NECAB1: variants seen among roughly 807,000 people sequenced by gnomAD.
NECAB1 encodes N-terminal EF-hand calcium binding protein 1.
Under a neutral mutation model 57.5 loss-of-function variants are expected in NECAB1, and 29 were observed. That is an observed-to-expected ratio of 0.50 (90% CI 0.38 to 0.69). The LOEUF (loss-of-function observed/expected upper bound fraction) is 0.69, where lower values mean the gene tolerates loss of function less well. Ranked by LOEUF, NECAB1 falls within the 30% of genes least tolerant of loss-of-function variation. NECAB1 has a pLI of 0.00. For missense variants in NECAB1, 372 were observed against 413.8 expected (o/e 0.90, Z 0.88); for synonymous variants, 142 against 147.7 (o/e 0.96, Z 0.28).
chr8:90,911,373 G>A (rs1809825938), intron 5 of NECAB1, among the ~76,000 whole-genome samples: 1 of 151,998 alleles, frequency 6.6e-6, no homozygotes, highest in Non-Finnish European at 1.5e-5. Flanking sequence ...AGAGAGAGGG[G>A]AATGCAAGAA....
intron 2 of NECAB1, among the ~76,000 whole-genome samples, chr8:90,809,674 T>C (rs1015434200): frequency 6.6e-6 from 1 of 152,232 alleles, no homozygotes; most frequent in East Asian, 1.9e-4. Context: ...TTTATGGTTA[T>C]GAAAGTGCCT....
At chr8:90,860,927 C>T (rs1005171063) in intron 3 of NECAB1, among the ~76,000 whole-genome samples, 6 of 152,044 alleles carry the variant, frequency 3.9e-5, no homozygotes, top group African/African-American at 1.2e-4. Context: ...TTGGGAAATT[C>T]GTAAGTTAAA....
At chr8:90,954,212 T>A (rs1253846600) in intron 12 of NECAB1, among the ~76,000 whole-genome samples, 1 of 152,104 alleles carries the variant, frequency 6.6e-6, no homozygotes, top group Admixed American at 6.6e-5. Flanking sequence ...TTTCTAATTT[T>A]ACTCACAAAT....
intron 6 of NECAB1, among the ~76,000 whole-genome samples, chr8:90,918,947 A>C (rs945638581): frequency 1.6e-4 from 25 of 152,198 alleles, no homozygotes; most frequent in African/African-American, 6.0e-4. Context: ...TACAGACTAC[A>C]TGAACCTGGA....
At position 90,930,756 on chromosome 8, in the gene NECAB1, T is replaced by C. The variant is rs144526564; in HGVS notation, c.693+2457T>C. ...TTCCTCCTTTCTTATTTTATTGATATGTGAGCTGAAACTAAAAAGATTTGT... is the reference window on the plus strand; with the variant it reads ...TTCCTCCTTTCTTATTTTATTGATACGTGAGCTGAAACTAAAAAGATTTGT... On this transcript the variant is annotated intron_variant, in intron 8 of 12. Coordinates refer to ENST00000417640, the MANE Select transcript of NECAB1 (RefSeq NM_022351.5). Among the ~76,000 whole-genome samples the C allele has an allele frequency of 1.7e-3, 261 of 152,348 alleles. 1 individual carries two copies. The highest frequency in any genetic ancestry group is 6.1e-3 in the African/African-American group (254 of 41,582).
rs150955665 is a variant in NECAB1 at position 90,942,270 on chromosome 8, C to G, written c.860+1372C>G. On this transcript the variant is annotated intron_variant, in intron 10 of 12. Transcript: ENST00000417640. The stretch of plus-strand genomic sequence containing the variant: ...CAGTGCTCAGCACAATGCTTCCCAT[C>G]CACTGAAGACGTGAGCTGAAGTCAC... Among the ~76,000 whole-genome samples the G allele has an allele frequency of 7.6e-4, 115 of 152,248 alleles. 1 individual carries two copies. The highest frequency in any genetic ancestry group is 2.7e-3 in the African/African-American group (111 of 41,538).
At chr8:90,815,514 C>T (rs1213937719) in intron 2 of NECAB1, among the ~76,000 whole-genome samples, 1 of 151,888 alleles carries the variant, frequency 6.6e-6, no homozygotes. Flanking sequence ...AGTTTACCTA[C>T]CTTCAAAAGT....
intron 5 of NECAB1, among the ~76,000 whole-genome samples, chr8:90,896,343 G>A (rs1218309235): frequency 3.3e-5 from 5 of 152,158 alleles, no homozygotes; most frequent in African/African-American, 1.2e-4. Flanking sequence ...GGTGGTTCAC[G>A]CCTGTAATCC....
chr8:90,829,063 A>G (rs987669030), intron 3 of NECAB1, among the ~76,000 whole-genome samples: 2 of 151,956 alleles, frequency 1.3e-5, no homozygotes, highest in Non-Finnish European at 2.9e-5. Context: ...TCTCTCAATC[A>G]TTGTAGTGAG....
At chr8:90,887,020 T>G (rs1040385846) in intron 5 of NECAB1, among the ~76,000 whole-genome samples, 2 of 152,250 alleles carry the variant, frequency 1.3e-5, no homozygotes, top group Non-Finnish European at 2.9e-5. Context: ...TAACATAATG[T>G]TGGTGGTATA....
chr8:90,952,941 T>C (rs913606754), intron 12 of NECAB1, among the ~76,000 whole-genome samples: 8 of 152,184 alleles, frequency 5.3e-5, no homozygotes, highest in African/African-American at 1.9e-4. Flanking sequence ...TATTACAGTA[T>C]TACTATAGTA....
intron 2 of NECAB1, among the ~76,000 whole-genome samples, chr8:90,814,944 T>C (rs1373222728): frequency 6.6e-6 from 1 of 152,182 alleles, no homozygotes; most frequent in African/African-American, 2.4e-5. Flanking sequence ...CCCATGTATA[T>C]GCACATATCT....
chr8:90,890,476 G>A (rs1809134039), intron 5 of NECAB1, among the ~76,000 whole-genome samples: 1 of 152,066 alleles, frequency 6.6e-6, no homozygotes, highest in Admixed American at 6.5e-5. Flanking sequence ...TCATAGCAAT[G>A]TGAGAACAGA....
intron 5 of NECAB1, among the ~76,000 whole-genome samples, chr8:90,900,618 C>A (rs1809478856): frequency 6.6e-6 from 1 of 152,180 alleles, no homozygotes; most frequent in Non-Finnish European, 1.5e-5. Flanking sequence ...CTTCCAATCA[C>A]TAAACTGTTA....
chr8:90,908,536 C>G lies in NECAB1; in HGVS notation c.358-8956C>G, dbSNP rs546814885. On this transcript the variant is annotated intron_variant, in intron 5 of 12. Coordinates refer to ENST00000417640, the MANE Select transcript of NECAB1 (RefSeq NM_022351.5). ...CTTGTCCTACTGCCTGCCAAAGAGT[C>G]CTGTATTTTACAGCCCCTATCTGTC... Among the ~76,000 whole-genome samples, 8 of 152,160 alleles carry G rather than the reference C, an allele frequency of 5.3e-5. No homozygotes were observed. In the South Asian group the frequency reaches 1.7e-3, roughly 32 times the overall value.
chr8:90,907,150 G>A (rs1419712739), intron 5 of NECAB1, among the ~76,000 whole-genome samples: 1 of 105,738 alleles, frequency 9.5e-6, no homozygotes, highest in Non-Finnish European at 2.0e-5. Flanking sequence ...GTGTGTGTGT[G>A]TGAGAGAGAG....
intron 2 of NECAB1, among the ~76,000 whole-genome samples, chr8:90,818,530 T>G (rs1395340675): frequency 1.3e-5 from 2 of 152,046 alleles, no homozygotes; most frequent in Non-Finnish European, 2.9e-5. Flanking sequence ...TTTCAATACT[T>G]TAAATATTTC....
chr8:90,857,445 A>G (rs891829570), intron 3 of NECAB1, among the ~76,000 whole-genome samples: 4 of 152,192 alleles, frequency 2.6e-5, no homozygotes, highest in African/African-American at 7.2e-5. Context: ...AAAACTGTAT[A>G]TTGTGGAACA....
chr8:90,815,993 T>C (rs1294217097), intron 2 of NECAB1, among the ~76,000 whole-genome samples: 1 of 151,974 alleles, frequency 6.6e-6, no homozygotes, highest in East Asian at 1.9e-4. Flanking sequence ...TAAATTATTT[T>C]GCTTTTCTAC....
Sources: gnomAD v4.1 joint callset for allele counts (sites outside exome capture counted in the v4.1 genomes callset) on GRCh38, gnomAD v4.1.1 for gene constraint, MANE v1.5 for transcripts, NCBI Gene and HGNC (gene_info 2026-07-23, HGNC 2026-07-21) for gene names.